Variants in MIB1 observed in about 807,000 individuals in gnomAD.
The protein encoded by MIB1 is E3 ubiquitin-protein ligase MIB1.
Under a neutral mutation model 124.5 loss-of-function variants are expected in MIB1, and 278 were observed. The ratio of observed to expected loss-of-function variants is 2.23; its 90% CI spans 2.02 to 2.47. The LOEUF is 2.47. MIB1 is among the 30% of genes most tolerant of loss of function. The pLI is 0.00. For synonymous variants in MIB1, 446 were observed against 429.4 expected (o/e 1.04, Z -0.48); for missense variants, 957 against 1,254.4 (o/e 0.76, Z 3.58).
intron 3 of MIB1, among the ~76,000 whole-genome samples, chr18:21,771,981 C>G (rs1003156838): frequency 6.0e-5 from 9 of 149,902 alleles, no homozygotes; most frequent in Admixed American, 6.0e-4. Flanking sequence ...GCCTGGGTGA[C>G]AAGAGCAAAA....
upstream of MIB1, among the ~76,000 whole-genome samples, chr18:21,739,663 G>A (rs1382345594): frequency 6.6e-6 from 1 of 152,010 alleles, no homozygotes; most frequent in East Asian, 1.9e-4. Flanking sequence ...GATTGCTTGA[G>A]CTCAGGAGTT....
intron 10 of MIB1, among the ~76,000 whole-genome samples, chr18:21,807,440 A>G (rs1223302475): frequency 6.6e-6 from 1 of 152,162 alleles, no homozygotes; most frequent in Non-Finnish European, 1.5e-5. Context: ...CTCAAACAAG[A>G]CTACAGCCCA....
intron 13 of MIB1, among the ~76,000 whole-genome samples, chr18:21,839,573 T>C (rs1264523674): frequency 2.0e-5 from 3 of 152,190 alleles, no homozygotes; most frequent in African/African-American, 7.2e-5. Context: ...GGCACAATCA[T>C]GGCTCACTGC....
chr18:21,777,783 C>T (rs757254513), intron 4 of MIB1, among the ~76,000 whole-genome samples: 3 of 152,102 alleles, frequency 2.0e-5, no homozygotes, highest in Non-Finnish European at 4.4e-5. Flanking sequence ...GTTTTGAACT[C>T]CTGACCTCAA....
chr18:21,724,705 C>A (rs2040729679), intron 1 of MIB1, among the ~76,000 whole-genome samples: 1 of 61,442 alleles, frequency 1.6e-5, no homozygotes, highest in Non-Finnish European at 2.8e-5. Flanking sequence ...ACTCTGTCTC[C>A]CCCATCCAAA....
chr18:21,793,037 A>G (rs1051586118), intron 7 of MIB1, among the ~76,000 whole-genome samples: 1 of 152,228 alleles, frequency 6.6e-6, no homozygotes, highest in African/African-American at 2.4e-5. Flanking sequence ...GAGATAAACC[A>G]CTGACAGCTA....
rs2040854245 is a variant in MIB1, at chr18:21,741,699, TCCGGAGCTTCGAGAGCCC to T, written c.118_135del (p.Arg40_Pro45del). The T allele has an allele frequency of 1.9e-6, 3 of 1,611,370 alleles. No homozygotes were observed. ...GGCGGCGAGGGCCATGTGGGCACCG[TCCGGAGCTTCGAGAGCCC>T]CGAGGAGGTGGTGGTAGTGTGGGAC... On this transcript the variant is annotated inframe_deletion, in exon 1 of 21. Coordinates refer to ENST00000261537, the MANE Select transcript of MIB1 (RefSeq NM_020774.4). The surrounding 1 kb of genome is among the most constrained non-coding windows in gnomAD (Gnocchi z 5.4).
intron 16 of MIB1, among the ~76,000 whole-genome samples, chr18:21,848,356 G>C (rs1176877937): frequency 6.6e-6 from 1 of 151,986 alleles, no homozygotes; most frequent in Non-Finnish European, 1.5e-5. Flanking sequence ...GCTGAGGCAG[G>C]AGAATTGCTT....
At chr18:21,720,057 A>G (rs2040707870) in intron 1 of MIB1, among the ~76,000 whole-genome samples, 1 of 152,240 alleles carries the variant, frequency 6.6e-6, no homozygotes, top group Non-Finnish European at 1.5e-5. Context: ...GAACCTGTTC[A>G]TTAGTCCAAA....
intron 1 of MIB1, among the ~76,000 whole-genome samples, chr18:21,721,341 C>T (rs2040715235): frequency 6.6e-6 from 1 of 151,328 alleles, no homozygotes; most frequent in African/African-American, 2.4e-5. Flanking sequence ...CCGCCACGCC[C>T]AGCTAATTTT....
intron 12 of MIB1, among the ~76,000 whole-genome samples, chr18:21,824,392 A>G (rs138344234): frequency 7.9e-5 from 12 of 152,266 alleles, no homozygotes; most frequent in South Asian, 6.2e-4. Context: ...AAACAAGACT[A>G]TGTTGGCTAT....
At chr18:21,742,502 C>T (rs1455364193) in intron 1 of MIB1, among the ~76,000 whole-genome samples, 1 of 152,118 alleles carries the variant, frequency 6.6e-6, no homozygotes, top group Non-Finnish European at 1.5e-5. Flanking sequence ...TTTTTTGTTA[C>T]ACTAACGTCC....
chr18:21,815,198 T>C (rs77151392), intron 10 of MIB1, among the ~76,000 whole-genome samples: 9,508 of 151,410 alleles, frequency 0.063, 330 homozygotes, highest in Middle Eastern at 0.13. Context: ...AGACAGGGTC[T>C]CACTCTGTTG....
intron 13 of MIB1, 37 bp downstream of exon 13, chr18:21,838,534 T>A (rs965260218): frequency 6.5e-7 from 1 of 1,529,920 alleles, no homozygotes; most frequent in African/African-American, 1.4e-5. Flanking sequence ...CTTTTTTATT[T>A]TTTTTTAAAC....
At chr18:21,781,416 AAATTATT>A (rs2041366465) in intron 6 of MIB1, among the ~76,000 whole-genome samples, 6 of 82,622 alleles carry the variant, frequency 7.3e-5, no homozygotes, top group Admixed American at 4.1e-4. Flanking sequence ...TATATATATA[AAATTATT>A]ATTATTATTT....
At position 21,791,557 on chromosome 18, in the gene MIB1, A is replaced by C; in HGVS notation, c.1092A>C (p.Pro364=). 6.2e-7 allele frequency: 1 copy of C among 1,608,334 alleles called. No individual in the cohort carries two copies. The highest frequency in any genetic ancestry group is 8.5e-7 in the Non-Finnish European group (1 of 1,175,504). The part of the protein sequence containing the change: ...GHGEWAEAML[P]TLGKVGRVQQ... ...GAGAATGGGCTGAAGCGATGCTTCCAGTAAGTATGTTTAGAATAATTCTGG... is the reference window on the plus strand; with the variant it reads ...GAGAATGGGCTGAAGCGATGCTTCCCGTAAGTATGTTTAGAATAATTCTGG... The change falls in exon 7 of 21, where the codon CCA becomes CCC. Residue 364 remains proline, a splice_region_variant and synonymous_variant. Transcript: ENST00000261537.
intron 12 of MIB1, among the ~76,000 whole-genome samples, chr18:21,821,853 G>A (rs982297725): frequency 1.3e-5 from 2 of 151,894 alleles, no homozygotes; most frequent in Admixed American, 6.6e-5. Context: ...CGCCTGTCTC[G>A]GCCTCCCAAA....
chr18:21,791,519 CA>C lies in MIB1; in HGVS notation c.1057del (p.Arg353GlufsTer14). On this transcript the variant is annotated frameshift_variant, in exon 7 of 21. Transcript: ENST00000261537. LOFTEE classifies it high-confidence loss of function. Reference sequence around the variant, plus strand: ...TGACCTGGAACGAATTAAACTTCTACAAAGAGGACATGGAGAATGGGCTGAA... The same window carrying C: ...TGACCTGGAACGAATTAAACTTCTACAAGAGGACATGGAGAATGGGCTGAA... Reference protein sequence around the residue: ...CYDLERIKLLQRGHGEWAEAM... With the variant: ...CYDLERIKLLXRGHGEWAEAM... The C allele has an allele frequency of 6.2e-7, 1 of 1,613,852 alleles. No individual in the cohort carries two copies. The highest frequency in any genetic ancestry group is 8.5e-7 in the Non-Finnish European group (1 of 1,179,876).
At chr18:21,796,973 G>A (rs2041589433) in intron 7 of MIB1, among the ~76,000 whole-genome samples, 2 of 152,156 alleles carry the variant, frequency 1.3e-5, no homozygotes, top group Non-Finnish European at 2.9e-5. Flanking sequence ...AGAAAAACAT[G>A]TACTTGTGGA....
Sources: gnomAD v4.1 joint callset for allele counts (sites outside exome capture counted in the v4.1 genomes callset) on GRCh38, gnomAD v4.1.1 for gene constraint, Gnocchi (gnomAD v3.1) non-coding constraint, MANE v1.5 for transcripts, NCBI Gene and HGNC (gene_info 2026-07-23, HGNC 2026-07-21) for gene names.